Variants in LIPC observed in about 807,000 individuals in gnomAD.
LIPC encodes the protein hepatic triacylglycerol lipase.
LIPC carries 44 observed loss-of-function variants against 50.7 expected under a neutral mutation model. The observed-to-expected ratio is 0.87, with a 90% CI of 0.68 to 1.11. The LOEUF (loss-of-function observed/expected upper bound fraction) is 1.11. LIPC is among the 50% of genes most tolerant of loss of function. The pLI is 0.00. For synonymous variants in LIPC, 271 were observed against 256.4 expected (o/e 1.06, Z -0.54); for missense variants, 697 against 648.2 (o/e 1.08, Z -0.82).
Position 58,541,921 on chromosome 15 carries a change from C to T in LIPC, c.410C>T (p.Thr137Ile), listed in dbSNP as rs757450484. Residue 137 changes from threonine to isoleucine, a missense_variant, in exon 3 of 9, where the codon ACC becomes ATC. Transcript: ENST00000299022. Reference sequence around the variant, plus strand: ...CACTACACCATCGCCGTCCGCAACACCCGCCTTGTGGGCAAGGAGGTCGCG... The same window carrying T: ...CACTACACCATCGCCGTCCGCAACATCCGCCTTGTGGGCAAGGAGGTCGCG... Reference protein sequence around the residue: ...HDHYTIAVRNTRLVGKEVAAL... With the variant: ...HDHYTIAVRNIRLVGKEVAAL... The T allele has an allele frequency of 1.2e-6, 2 of 1,611,906 alleles. No individual in the cohort carries two copies. The highest frequency in any genetic ancestry group is 1.7e-6 in the Non-Finnish European group (2 of 1,179,932).
chr15:58,453,521 G>A (rs1893988280), intron 1 of LIPC, among the ~76,000 whole-genome samples: 1 of 152,190 alleles, frequency 6.6e-6, no homozygotes, highest in African/African-American at 2.4e-5. Flanking sequence ...CTGGGGGAAG[G>A]TGGTGATGGG....
chr15:58,462,726 G>C (rs1316711043), intron 1 of LIPC, among the ~76,000 whole-genome samples: 1 of 152,198 alleles, frequency 6.6e-6, no homozygotes, highest in South Asian at 2.1e-4. Flanking sequence ...TGTGTGGGAG[G>C]AGCACAGCCC....
chr15:58,544,111 G>T (rs984796877), intron 4 of LIPC, among the ~76,000 whole-genome samples: 1 of 152,124 alleles, frequency 6.6e-6, no homozygotes, highest in Admixed American at 6.5e-5. Context: ...TCACAGACCG[G>T]CGTGTGGCCC....
chr15:58,552,860 T>C (rs1459047365), intron 6 of LIPC, among the ~76,000 whole-genome samples: 3 of 152,158 alleles, frequency 2.0e-5, no homozygotes, highest in African/African-American at 7.2e-5. Flanking sequence ...TGACAAAACC[T>C]ATGTGGGCAC....
At chr15:58,551,316 G>C (rs1370301937) in intron 6 of LIPC, among the ~76,000 whole-genome samples, 3 of 152,204 alleles carry the variant, frequency 2.0e-5, no homozygotes, top group Admixed American at 6.5e-5. Context: ...AGACTCGCCT[G>C]TTTGAAGCAG....
At chr15:58,451,337 T>G (rs1285482318) in intron 1 of LIPC, among the ~76,000 whole-genome samples, 1 of 152,158 alleles carries the variant, frequency 6.6e-6, no homozygotes, top group African/African-American at 2.4e-5. Context: ...TGTGGGGAAT[T>G]TATTTACTCA....
intron 1 of LIPC, among the ~76,000 whole-genome samples, chr15:58,482,945 G>C (rs1462538567): frequency 1.3e-5 from 2 of 152,090 alleles, no homozygotes; most frequent in African/African-American, 4.8e-5. Context: ...GATTCCTGAG[G>C]CCCAGAACCT....
At chr15:58,488,631 G>A (rs1461459201) in intron 1 of LIPC, among the ~76,000 whole-genome samples, 2 of 152,226 alleles carry the variant, frequency 1.3e-5, no homozygotes, top group Non-Finnish European at 2.9e-5. Context: ...AGTGTCCGAA[G>A]TACAGCCCAG....
At chr15:58,466,973 G>T (rs1042564444) in intron 1 of LIPC, among the ~76,000 whole-genome samples, 1 of 152,120 alleles carries the variant, frequency 6.6e-6, no homozygotes, top group Non-Finnish European at 1.5e-5. Flanking sequence ...CCATTGTCTT[G>T]TCTGAATCCT....
intron 1 of LIPC, among the ~76,000 whole-genome samples, chr15:58,479,038 C>G (rs915635731): frequency 1.2e-4 from 19 of 152,222 alleles, no homozygotes; most frequent in African/African-American, 4.3e-4. Context: ...ACTTTCCAAC[C>G]TAGAAGACAG....
chr15:58,559,096 G>A (rs147477857), intron 6 of LIPC, among the ~76,000 whole-genome samples: 14 of 152,252 alleles, frequency 9.2e-5, no homozygotes, highest in East Asian at 3.9e-4. Flanking sequence ...ACCAACCTCC[G>A]GTAGAAATAG....
chr15:58,461,021 G>T (rs1894329050), intron 1 of LIPC, among the ~76,000 whole-genome samples: 1 of 152,176 alleles, frequency 6.6e-6, no homozygotes, highest in Non-Finnish European at 1.5e-5. Flanking sequence ...AAGGAAGAAA[G>T]CCACCAAGGC....
At chr15:58,452,731 G>C (rs1404562098) in intron 1 of LIPC, among the ~76,000 whole-genome samples, 2 of 151,990 alleles carry the variant, frequency 1.3e-5, no homozygotes, top group African/African-American at 2.4e-5. Context: ...AGGGTGGAGT[G>C]GGATGGGGTG....
At chr15:58,557,379 C>CTTTTTTTTTTTTTTTTTTT (rs386383140) in intron 6 of LIPC, among the ~76,000 whole-genome samples, 9 of 75,700 alleles carry the variant, frequency 1.2e-4, no homozygotes, top group East Asian at 4.6e-4. Context: ...ATTATATGCT[C>CTTTTTTTTTTTTTTTTTTT]TTTTTTTTTT....
intron 1 of LIPC, among the ~76,000 whole-genome samples, chr15:58,475,932 G>A (rs533674356): frequency 2.0e-5 from 3 of 152,340 alleles, no homozygotes; most frequent in South Asian, 2.1e-4. Context: ...GTTAATTAAT[G>A]GAAAGCAGGT....
chr15:58,473,832 C>G (rs960174499), intron 1 of LIPC: 1 of 152,458 alleles, frequency 6.6e-6, no homozygotes, highest in Non-Finnish European at 1.5e-5. Flanking sequence ...TGCAATGTAC[C>G]AAGCTGCCTC....
At chr15:58,561,946 G>A (rs1894178340) in intron 7 of LIPC, among the ~76,000 whole-genome samples, 1 of 152,126 alleles carries the variant, frequency 6.6e-6, no homozygotes, top group African/African-American at 2.4e-5. Context: ...CAGATGGTTG[G>A]AGGGCTTAGA....
chr15:58,438,261 C>A (rs193092110), intron 1 of LIPC, among the ~76,000 whole-genome samples: 2 of 152,228 alleles, frequency 1.3e-5, no homozygotes, highest in East Asian at 3.9e-4. Context: ...GGCCCCGAGA[C>A]AGGGCAGAAC....
intron 1 of LIPC, among the ~76,000 whole-genome samples, chr15:58,512,203 A>T (rs986629861): frequency 3.3e-5 from 5 of 151,772 alleles, no homozygotes; most frequent in Non-Finnish European, 7.4e-5. Flanking sequence ...GGTTCAAGCG[A>T]TTCTCCTGCC....
Sources: allele counts gnomAD v4.1 joint callset (sites outside exome capture counted in the v4.1 genomes callset), GRCh38; gene constraint gnomAD v4.1.1; transcripts MANE v1.5; gene names NCBI Gene and HGNC (gene_info 2026-07-23, HGNC 2026-07-21).